Variants in SLC30A5 observed in about 807,000 individuals in gnomAD.
The protein encoded by SLC30A5 is proton-coupled zinc antiporter SLC30A5.
A neutral mutation model predicts 79.6 loss-of-function variants in SLC30A5; 33 were observed. That is an observed-to-expected ratio of 0.41 (90% CI 0.31 to 0.55). SLC30A5 has a LOEUF of 0.55. Ranked by LOEUF, SLC30A5 falls within the 20% of genes least tolerant of loss-of-function variation. The pLI is 0.20. For missense variants in SLC30A5, 788 were observed against 928.1 expected (o/e 0.85, Z 1.96); for synonymous variants, 299 against 319.7 (o/e 0.94, Z 0.69).
At position 69,121,755 on chromosome 5, in the gene SLC30A5, A is replaced by G. The variant is rs1489365080; in HGVS notation, c.1631A>G (p.His544Arg). 6.2e-7 allele frequency: 1 copy of G among 1,612,944 alleles called. No individual in the cohort carries two copies. The highest frequency in any genetic ancestry group is 1.7e-5 in the Admixed American group (1 of 59,902). Residue 544 changes from histidine to arginine, a missense_variant, in exon 13 of 16, where the codon CAT (histidine) becomes CGT (arginine). Around this residue, in one of 3 missense-constraint regions of SLC30A5, gnomAD observed 626 missense variants for 755.5 expected, o/e 0.83. Coordinates refer to ENST00000396591, the MANE Select transcript of SLC30A5 (RefSeq NM_022902.5). ...GGTATCTGTGCCTTTAGCCATGCCC[A>G]TAGCCATGCCCATGGAGCTTCTCAA... ...LIGICAFSHA[H>R]SHAHGASQGS...
chr5:69,126,140 C>T (rs1198109702), intron 14 of SLC30A5, among the ~76,000 whole-genome samples: 2 of 152,076 alleles, frequency 1.3e-5, no homozygotes, highest in Non-Finnish European at 1.5e-5. Flanking sequence ...TCTTTCACCT[C>T]GTGGTTTACT....
intron 4 of SLC30A5, among the ~76,000 whole-genome samples, chr5:69,106,077 G>A (rs997174285): frequency 4.6e-5 from 7 of 152,200 alleles, no homozygotes; most frequent in African/African-American, 1.7e-4. Context: ...AGTGAAGGGT[G>A]AGAAATGTGG....
chr5:69,115,134 GGAAAAAAAAAAAAAAA>G (rs1561294061), intron 7 of SLC30A5, 87 bp from the exon 8 acceptor site: 6 of 659,922 alleles, frequency 9.1e-6, no homozygotes, highest in Non-Finnish European at 1.4e-5. Flanking sequence ...CTGTCTCTGG[GGAAAAAAAAAAAAAAA>G]AAAAAAAAAA....
intron 14 of SLC30A5, among the ~76,000 whole-genome samples, chr5:69,127,597 T>C (rs567329100): frequency 3.3e-5 from 5 of 152,040 alleles, no homozygotes; most frequent in Non-Finnish European, 7.4e-5. Context: ...TGAGCCAAGA[T>C]GGTGCCACTG....
At chr5:69,110,923 C>G (rs1262936731) in intron 5 of SLC30A5, among the ~76,000 whole-genome samples, 1 of 151,338 alleles carries the variant, frequency 6.6e-6, no homozygotes, top group Non-Finnish European at 1.5e-5. Context: ...CCTTAAGTAA[C>G]TAGAAGTGAG....
intron 6 of SLC30A5, among the ~76,000 whole-genome samples, chr5:69,113,508 A>G (rs1176349027): frequency 8.6e-6 from 1 of 116,750 alleles, no homozygotes; most frequent in East Asian, 3.1e-4. Flanking sequence ...GAAAAAAAAA[A>G]GGTGATTTGC....
At chr5:69,126,076 A>C (rs1484953029) in intron 14 of SLC30A5, among the ~76,000 whole-genome samples, 1 of 152,008 alleles carries the variant, frequency 6.6e-6, no homozygotes, top group Non-Finnish European at 1.5e-5. Context: ...TAGAAAAATA[A>C]GATGAGAATA....
chr5:69,121,825 T>G lies in SLC30A5; in HGVS notation c.1701T>G (p.His567Gln). The change falls in exon 13 of 16, where the codon CAT (histidine) becomes CAG (glutamine). Residue 567 changes from histidine (H) to glutamine (Q), a missense_variant. His to Gln is a conservative substitution (Grantham distance 24). This residue lies in a region of SLC30A5 where 626 missense variants were observed against 755.5 expected (regional missense o/e 0.83). Transcript: ENST00000396591. Reference protein sequence around the residue: ...SSDHSHSHHMHGHSDHGHGHS... With the variant: ...SSDHSHSHHMQGHSDHGHGHS... ...ATCACAGCCATTCACACCATATGCA[T>G]GGACACAGTGACCATGGGCATGGTC... The G allele has an allele frequency of 6.2e-7, 1 of 1,613,490 alleles. No individual in the cohort carries two copies. Among genetic ancestry groups the G allele is most frequent in the Non-Finnish European group, 8.5e-7 (1 of 1,179,670 alleles).
intron 11 of SLC30A5, among the ~76,000 whole-genome samples, chr5:69,118,176 CAAAA>C (rs376300891): frequency 1.2e-5 from 1 of 83,290 alleles, no homozygotes; most frequent in Middle Eastern, 7.5e-3. Context: ...GACTCTGTCT[CAAAA>C]AAAAAAAAAA....
intron 11 of SLC30A5, chr5:69,118,286 TC>T (rs1172221565): frequency 1.3e-5 from 2 of 156,844 alleles, no homozygotes; most frequent in Admixed American, 1.4e-4. Context: ...GTATATATAT[TC>T]ATATATAACG....
intron 1 of SLC30A5, 74 bp from the exon 2 acceptor site, chr5:69,100,733 G>T (rs1745889387): frequency 5.3e-6 from 7 of 1,324,420 alleles, no homozygotes; most frequent in Non-Finnish European, 6.3e-6. Context: ...ATGACCTCTT[G>T]TTTAAAAAAC....
chr5:69,111,551 G>A (rs966658717), intron 5 of SLC30A5, among the ~76,000 whole-genome samples: 10 of 151,742 alleles, frequency 6.6e-5, no homozygotes, highest in Admixed American at 1.3e-4. Flanking sequence ...TGATCCACCC[G>A]CCTCGGCCTC....
chr5:69,095,297 T>C (rs1745693798), intron 1 of SLC30A5, among the ~76,000 whole-genome samples: 1 of 145,486 alleles, frequency 6.9e-6, no homozygotes, highest in South Asian at 2.2e-4. Context: ...GCTTCCCGGG[T>C]TCAAAAGATT....
Position 69,116,352 on chromosome 5 carries a change from A to T in SLC30A5, c.1073-42A>T. 1 of 1,529,974 alleles carries T rather than the reference A, an allele frequency of 6.5e-7. No individual in the cohort carries two copies. Among genetic ancestry groups the T allele is most frequent in the East Asian group, 2.3e-5 (1 of 44,004 alleles). The allele number at this position is 1,529,974 out of a possible 1,614,324, so 94.8% of individuals were successfully genotyped here. ...GTTACTGTGTTGGTTTTGGTAGCTT[A>T]AACTTCGAAAATTTAAACAATATTG... On this transcript the variant is annotated intron_variant, in intron 9 of 15. Transcript: ENST00000396591. The surrounding 1 kb of genome is among the most constrained non-coding windows in gnomAD (Gnocchi z 4.0).
At chr5:69,095,217 T>G (rs1260458348) in intron 1 of SLC30A5, among the ~76,000 whole-genome samples, 2 of 117,034 alleles carry the variant, frequency 1.7e-5, no homozygotes, top group Admixed American at 1.7e-4. Flanking sequence ...TTTTTTTTTT[T>G]TGAGACGGAG....
intron 1 of SLC30A5, among the ~76,000 whole-genome samples, chr5:69,099,099 C>T (rs751119974): frequency 6.6e-6 from 1 of 152,168 alleles, no homozygotes; most frequent in African/African-American, 2.4e-5. Context: ...AGAAGGGTAA[C>T]TCTGCTAAGT....
At chr5:69,125,903 G>A in intron 14 of SLC30A5, among the ~76,000 whole-genome samples, 1 of 121,378 alleles carries the variant, frequency 8.2e-6, no homozygotes, top group Admixed American at 8.1e-5. Flanking sequence ...AAAATTAGCT[G>A]GGTGTAGTAG....
Position 69,108,403 on chromosome 5 carries a change from T to C in SLC30A5, c.414T>C (p.Val138=). 6.2e-7 allele frequency: 1 copy of C among 1,613,950 alleles called. No individual in the cohort carries two copies. The highest frequency in any genetic ancestry group is 8.5e-7 in the Non-Finnish European group (1 of 1,179,880). Residue 138 remains valine, a synonymous_variant, in exon 5 of 16, where the codon GTT becomes GTC. Coordinates refer to ENST00000396591, the MANE Select transcript of SLC30A5 (RefSeq NM_022902.5). ...SDIVVISLLS[V]LFTSSGGGPA... is the part of the protein sequence containing the mutation. ...TTGTTGTCATTTCACTACTCAGTGT[T>C]TTGTTCACCAGTTCTGGAGGAGGAC...
intron 12 of SLC30A5, among the ~76,000 whole-genome samples, chr5:69,119,112 C>A (rs1382330205): frequency 6.6e-6 from 1 of 152,138 alleles, no homozygotes; most frequent in African/African-American, 2.4e-5. Flanking sequence ...GCTATAGCAA[C>A]TTTTAATGTT....
Sources: allele counts gnomAD v4.1 joint callset (sites outside exome capture counted in the v4.1 genomes callset), GRCh38; gene constraint gnomAD v4.1.1; regional missense constraint gnomAD v4.1.1; non-coding constraint Gnocchi (gnomAD v3.1); transcripts MANE v1.5; gene names NCBI Gene and HGNC (gene_info 2026-07-23, HGNC 2026-07-21).